The following RP1 variants were observed in gnomAD, a reference collection of about 807,000 sequenced individuals.
RP1 encodes the protein oxygen-regulated protein 1.
In RP1, 16 loss-of-function variants were observed where a neutral mutation model predicts 14.8. The ratio of observed to expected loss-of-function variants is 1.08; its 90% CI spans 0.73 to 1.65. The LOEUF (loss-of-function observed/expected upper bound fraction) is 1.65, where lower values mean the gene tolerates loss of function less well. Among genes scored for constraint, RP1 ranks in the 40% most tolerant of loss-of-function variants. The pLI is 0.00. For synonymous variants in RP1, 876 were observed against 883.6 expected, an observed-to-expected ratio of 0.99 and a Z score of 0.15; for missense variants, 2,631 against 2,535.0, an observed-to-expected ratio of 1.04 and a Z score of -0.81.
intron 9 of RP1, among the ~76,000 whole-genome samples, chr8:54,679,198 T>G (rs2129335020): frequency 6.6e-6 from 1 of 152,292 alleles, no homozygotes; most frequent in South Asian, 2.1e-4. Context: ...CAAAAACATA[T>G]TTTAGCCTTA....
rs80251076 is a variant in RP1, at chr8:54,768,795, G to A, written c.3249-946G>A. ...TCAAAAGGGAGCTTCTAACACTAAA[G>A]TTTACCTGGTTTAGGGGGAAGCTCC... On this transcript the variant is annotated intron_variant, in intron 22 of 22. Coordinates refer to the RP1 transcript ENST00000636932. Among the ~76,000 whole-genome samples the A allele has an allele frequency of 2.5e-3, 375 of 152,076 alleles. 11 individuals carry two copies. In the East Asian group the frequency reaches 0.065, roughly 26 times the overall value.
chr8:54,589,672 A>G (rs959665088), intron 1 of RP1, among the ~76,000 whole-genome samples: 3 of 152,162 alleles, frequency 2.0e-5, no homozygotes, highest in African/African-American at 7.2e-5. Context: ...TTAGATATCT[A>G]CAGGACATTG....
At position 54,590,865 on chromosome 8, in the gene RP1, T is replaced by C. The variant is rs562732674; in HGVS notation, c.-12-30090T>C. Among the ~76,000 whole-genome samples the C allele has an allele frequency of 2.0e-5, 3 of 152,304 alleles. No individual in the cohort carries two copies. The East Asian group carries it at 5.8e-4, about 29-fold the overall frequency. On this transcript the variant is annotated intron_variant, in intron 1 of 22. Coordinates refer to the RP1 transcript ENST00000636932. ...TCTCAAACATAACACAGCTGAAATA[T>C]AATTACAGATGTCAGCCTTCATCCA...
intron 23 of RP1, chr8:54,780,895 C>T (rs1810170105): frequency 2.0e-6 from 2 of 983,584 alleles, no homozygotes; most frequent in Admixed American, 1.2e-4. Flanking sequence ...CACGTGGTTG[C>T]ATGAGAATGG....
chr8:54,566,245 C>T (rs1244794852), intron 1 of RP1, among the ~76,000 whole-genome samples: 1 of 152,140 alleles, frequency 6.6e-6, no homozygotes, highest in Non-Finnish European at 1.5e-5. Flanking sequence ...CTTCCTTTTT[C>T]TTAAGAATAA....
At chr8:54,564,357 C>T (rs1449094267) in intron 1 of RP1, among the ~76,000 whole-genome samples, 1 of 152,140 alleles carries the variant, frequency 6.6e-6, no homozygotes, top group Admixed American at 6.5e-5. Context: ...GGGCTGGAAA[C>T]CTAGATCCAG....
At chr8:54,674,617 T>C (rs1180359279) in intron 8 of RP1, among the ~76,000 whole-genome samples, 2 of 152,076 alleles carry the variant, frequency 1.3e-5, no homozygotes, top group East Asian at 3.9e-4. Flanking sequence ...ACAAGATTGT[T>C]ACACAAATAC....
chr8:54,632,873 C>G (rs575918382), downstream of RP1, among the ~76,000 whole-genome samples: 22 of 152,204 alleles, frequency 1.4e-4, no homozygotes, highest in African/African-American at 5.3e-4. Flanking sequence ...CTAGCTTTTG[C>G]TTTAGAGATG....
intron 21 of RP1, among the ~76,000 whole-genome samples, chr8:54,758,020 A>G (rs987370949): frequency 6.6e-6 from 1 of 152,240 alleles, no homozygotes; most frequent in Non-Finnish European, 1.5e-5. Flanking sequence ...GTGTCTTCAA[A>G]TATCAAATTG....
intron 1 of RP1, among the ~76,000 whole-genome samples, chr8:54,590,134 A>T (rs912779803): frequency 1.3e-5 from 2 of 152,084 alleles, no homozygotes; most frequent in African/African-American, 4.8e-5. Flanking sequence ...TCCATTCAGC[A>T]TTATCCCTTC....
At chr8:54,562,427 C>T (rs1252750436) in intron 1 of RP1, among the ~76,000 whole-genome samples, 1 of 152,116 alleles carries the variant, frequency 6.6e-6, no homozygotes, top group Non-Finnish European at 1.5e-5. Flanking sequence ...GTGGCTCACG[C>T]CTGTAATCCC....
chr8:54,838,358 G>T (rs149020097), intron 25 of RP1, among the ~76,000 whole-genome samples: 77 of 151,926 alleles, frequency 5.1e-4, no homozygotes, highest in African/African-American at 1.8e-3. Flanking sequence ...CCTTCTTTTT[G>T]CTTCCACCAC....
rs146948388 is a variant in RP1 at position 54,789,239 on chromosome 8, C to A, written c.3615+5529C>A. ...CCAGAGAGCTTAGTCAGTGTCTCTG[C>A]CTAACCATGGAGCAAAACTAGTGGT... is the stretch of plus-strand genomic sequence containing the variant. On this transcript the variant is annotated intron_variant, in intron 24 of 28. Coordinates refer to the RP1 transcript ENST00000637698. 1.3e-3 allele frequency among the ~76,000 whole-genome samples: 198 copies of A among 152,294 alleles called. 1 individual carries two copies. The highest frequency in any genetic ancestry group is 0.01 in the Middle Eastern group (3 of 294).
chr8:54,697,543 G>A (rs563401861), intron 12 of RP1, among the ~76,000 whole-genome samples: 34 of 152,188 alleles, frequency 2.2e-4, no homozygotes, highest in African/African-American at 7.7e-4. Context: ...CAACAAAAGC[G>A]AAACTCCATC....
At chr8:54,759,944 A>G (rs934731146) in intron 22 of RP1, among the ~76,000 whole-genome samples, 1 of 152,212 alleles carries the variant, frequency 6.6e-6, no homozygotes. Flanking sequence ...TAGGTAATCA[A>G]CAGGAAATGA....
intron 6 of RP1, among the ~76,000 whole-genome samples, chr8:54,657,384 C>T (rs936345002): frequency 1.3e-5 from 2 of 152,108 alleles, no homozygotes. Flanking sequence ...TAGGGCTTGA[C>T]CCTTATGGTT....
At chr8:54,752,012 A>G (rs1809383362) in intron 19 of RP1, among the ~76,000 whole-genome samples, 1 of 152,166 alleles carries the variant, frequency 6.6e-6, no homozygotes, top group African/African-American at 2.4e-5. Flanking sequence ...GCCAATTTGC[A>G]TGGAGAGGTT....
chr8:54,837,639 A>G (rs1811692672), exon 25 of RP1: 1 of 1,231,866 alleles, frequency 8.1e-7, no homozygotes, highest in South Asian at 4.1e-5. Flanking sequence ...GGAAATACCC[A>G]TCATGGGACC....
chr8:54,857,526 A>G (rs1320027635), intron 27 of RP1, among the ~76,000 whole-genome samples: 1 of 151,770 alleles, frequency 6.6e-6, no homozygotes, highest in African/African-American at 2.4e-5. Context: ...TACATTAAAT[A>G]TATTTAATGT....
Sources: allele counts gnomAD v4.1 joint callset (sites outside exome capture counted in the v4.1 genomes callset), GRCh38; gene constraint gnomAD v4.1.1; transcripts MANE v1.5; gene names NCBI Gene and HGNC (gene_info 2026-07-23, HGNC 2026-07-21).